Variants in ST7L observed in about 807,000 individuals in gnomAD.
The protein encoded by ST7L is suppressor of tumorigenicity 7 protein-like.
A neutral mutation model predicts 72.5 loss-of-function variants in ST7L; 57 were observed. The ratio of observed to expected loss-of-function variants is 0.79; its 90% confidence interval spans 0.64 to 0.98. ST7L has a LOEUF of 0.98. Among genes scored for constraint, ST7L ranks in the 50% least tolerant of loss-of-function variants. The pLI is 0.00. For synonymous variants in ST7L, 221 were observed against 240.9 expected (o/e 0.92, Z 0.77); for missense variants, 576 against 672.2 (o/e 0.86, Z 1.58).
chr1:112,533,991 T>C (rs1169294790), intron 14 of ST7L, among the ~76,000 whole-genome samples: 1 of 152,182 alleles, frequency 6.6e-6, no homozygotes, highest in Admixed American at 6.5e-5. Context: ...TCATTCTTTA[T>C]TTTAAAGCAT....
rs529061309 is a variant in ST7L at position 112,605,250 on chromosome 1, G to A, written c.452-4402C>T. 7.2e-5 allele frequency among the ~76,000 whole-genome samples: 11 copies of A among 151,956 alleles called. No homozygotes were observed. In the South Asian group the frequency reaches 8.3e-4, roughly 11 times the overall value. ...ACTAAAAACTACAAAAAAATTAGCT[G>A]GGTGCAGTGGCAGGTGCCCGTAATA... On this transcript the variant is annotated intron_variant, in intron 3 of 14. Transcript: ENST00000358039.
chr1:112,580,293 C>T (rs1045334260), intron 9 of ST7L, among the ~76,000 whole-genome samples: 5 of 152,158 alleles, frequency 3.3e-5, no homozygotes, highest in East Asian at 1.9e-4. Flanking sequence ...GGACTACAGG[C>T]GCATGCCACC....
rs569782132 is a variant in ST7L, at chr1:112,609,990, G to A, written c.451+851C>T. On this transcript the variant is annotated intron_variant, in intron 3 of 14. Coordinates refer to ENST00000358039, the MANE Select transcript of ST7L (RefSeq NM_017744.5). ...CTTTTCTCTCTTGGCAGAGATGGCT[G>A]TTTCTGTTCTCTCCTTTATTAGTCA... Among the ~76,000 whole-genome samples the A allele has an allele frequency of 4.5e-4, 69 of 152,114 alleles. 1 individual carries two copies. Among genetic ancestry groups the A allele is most frequent in the South Asian group, 1.0e-3 (5 of 4,820 alleles).
chr1:112,575,044 C>A (rs2101810669), intron 11 of ST7L, among the ~76,000 whole-genome samples: 1 of 152,252 alleles, frequency 6.6e-6, no homozygotes, highest in South Asian at 2.1e-4. Context: ...CGAGACCATA[C>A]TAGCTAACAT....
At chr1:112,547,036 G>A (rs897961046) in intron 13 of ST7L, among the ~76,000 whole-genome samples, 2 of 151,716 alleles carry the variant, frequency 1.3e-5, no homozygotes, top group African/African-American at 4.8e-5. Context: ...CATAGTCAAA[G>A]CTTGAACTTA....
At chr1:112,583,342 T>C (rs1664402384) in intron 7 of ST7L, among the ~76,000 whole-genome samples, 2 of 152,238 alleles carry the variant, frequency 1.3e-5, no homozygotes, top group African/African-American at 4.8e-5. Flanking sequence ...GCATCATTGC[T>C]GATTCTAACA....
rs1216971123 is a variant in ST7L at position 112,556,977 on chromosome 1, AAAAAAAAC to A, written c.1246-967_1246-960del. On this transcript the variant is annotated intron_variant, in intron 11 of 14. Transcript: ENST00000358039. The stretch of plus-strand genomic sequence containing the variant: ...GCGAGACTCTGTCTCAAAAAAAAAA[AAAAAAAAC>A]AAAAAAAAAAAAACACAAAGAAAAG... Among the ~76,000 whole-genome samples, 375 of 135,340 alleles carry A rather than the reference AAAAAAAAC, an allele frequency of 2.8e-3. 27 individuals carry two copies. Among genetic ancestry groups the A allele is most frequent in the African/African-American group, 0.012 (340 of 28,970 alleles). 88.8% of individuals were successfully genotyped at this position (135,340 alleles called of 152,430 possible). A position where few individuals can be genotyped will look rare whatever the true frequency, so the allele number is the denominator to read the frequency against.
intron 3 of ST7L, among the ~76,000 whole-genome samples, chr1:112,604,632 T>A (rs1022214781): frequency 4.0e-5 from 6 of 151,870 alleles, no homozygotes; most frequent in African/African-American, 1.5e-4. Flanking sequence ...TTCCATTACA[T>A]CTTAAAACTT....
chr1:112,520,632 A>G, downstream of ST7L: 2 of 1,026,764 alleles, frequency 1.9e-6, no homozygotes, highest in Non-Finnish European at 2.9e-6. Flanking sequence ...TTAAGGATGT[A>G]GAGAGTAATC....
rs1653292736 is a variant in ST7L at position 112,525,844 on chromosome 1, G to A, written c.*169C>T. ...GTCCTTTTTGACAGCTTCCAAGGGG[G>A]GTTTGCCTAGGAATAACAATATTCA... On this transcript the variant is annotated 3_prime_UTR_variant, in exon 15 of 15. Coordinates refer to ENST00000358039, the MANE Select transcript of ST7L (RefSeq NM_017744.5). 3 of 823,130 alleles carry A rather than the reference G, an allele frequency of 3.6e-6. No homozygotes were observed. Among genetic ancestry groups the A allele is most frequent in the African/African-American group, 1.7e-5 (1 of 58,660 alleles). The allele number at this position is 823,130 out of a possible 1,614,324, so 51.0% of individuals were successfully genotyped here. A position where few individuals can be genotyped will look rare whatever the true frequency, so the allele number is the denominator to read the frequency against.
intron 11 of ST7L, among the ~76,000 whole-genome samples, chr1:112,570,545 G>GTGTATA (rs1199387859): frequency 7.6e-6 from 1 of 130,862 alleles, no homozygotes. Flanking sequence ...AATAAAAGAT[G>GTGTATA]TATATATATA....
intron 12 of ST7L, among the ~76,000 whole-genome samples, chr1:112,553,140 GGAC>G (rs1191495317): frequency 6.6e-6 from 1 of 151,826 alleles, no homozygotes; most frequent in Admixed American, 6.6e-5. Flanking sequence ...AGGAGCTTAT[GGAC>G]TACTGGAGAA....
intron 3 of ST7L, among the ~76,000 whole-genome samples, chr1:112,601,626 T>C (rs1385783091): frequency 6.6e-6 from 1 of 152,080 alleles, no homozygotes; most frequent in Non-Finnish European, 1.5e-5. Context: ...AGAAAGGTGG[T>C]GATATTTGAA....
chr1:112,584,919 T>C (rs1198989024), intron 6 of ST7L, among the ~76,000 whole-genome samples: 1 of 152,150 alleles, frequency 6.6e-6, no homozygotes, highest in Non-Finnish European at 1.5e-5. Flanking sequence ...AGAAACATAG[T>C]CCAGGACTAG....
intron 2 of ST7L, among the ~76,000 whole-genome samples, chr1:112,616,109 C>G (rs1219216480): frequency 6.6e-6 from 1 of 152,112 alleles, no homozygotes; most frequent in Non-Finnish European, 1.5e-5. Context: ...TATATGGCAA[C>G]AATTAGCTTT....
intron 14 of ST7L, among the ~76,000 whole-genome samples, chr1:112,532,074 CA>C (rs140624575): frequency 0.02 from 3,047 of 152,202 alleles, 100 homozygotes; most frequent in African/African-American, 0.069. Context: ...AGGGCTTAGC[CA>C]AATTAGAATC....
chr1:112,547,691 T>G (rs1460084573), intron 13 of ST7L, among the ~76,000 whole-genome samples: 1 of 147,942 alleles, frequency 6.8e-6, no homozygotes, highest in Non-Finnish European at 1.5e-5. Context: ...GCCTTCCAAG[T>G]AGCTGAGATT....
intron 13 of ST7L, 116 bp from the exon 14 acceptor site, chr1:112,542,206 G>T (rs1656215886): frequency 9.3e-7 from 1 of 1,070,172 alleles, no homozygotes. Context: ...ATTTAAAAAG[G>T]AAAGTCTCTG....
At chr1:112,535,420 A>T (rs562626291) in intron 14 of ST7L, among the ~76,000 whole-genome samples, 31 of 151,564 alleles carry the variant, frequency 2.0e-4, no homozygotes, top group South Asian at 1.0e-3. Context: ...AAGAAGAAGA[A>T]GATGAAGAAG....
Sources: allele counts gnomAD v4.1 joint callset (sites outside exome capture counted in the v4.1 genomes callset), GRCh38; gene constraint gnomAD v4.1.1; transcripts MANE v1.5; gene names NCBI Gene and HGNC (gene_info 2026-07-23, HGNC 2026-07-21).